The following STPG2 variants were observed in gnomAD, a reference collection of about 807,000 sequenced individuals.
STPG2 encodes sperm-tail PG-rich repeat-containing protein 2.
In STPG2, 56 loss-of-function variants were observed where a neutral mutation model predicts 54.2. The observed-to-expected ratio is 1.03, with a 90% CI of 0.83 to 1.29. The LOEUF (loss-of-function observed/expected upper bound fraction) is 1.29, where lower values mean the gene tolerates loss of function less well. STPG2 is among the 50% of genes most tolerant of loss of function. The pLI is 0.00. For synonymous variants in STPG2, 200 were observed against 181.8 expected, an observed-to-expected ratio of 1.10 and a Z score of -0.81; for missense variants, 596 against 544.9, an observed-to-expected ratio of 1.09 and a Z score of -0.93.
intron 8 of STPG2, chr4:97,916,394 TCA>T (rs1268992080): frequency 1.3e-5 from 2 of 152,640 alleles, no homozygotes; most frequent in African/African-American, 2.4e-5. Flanking sequence ...TTCCCCTGTA[TCA>T]CATGAAGGAA....
At chr4:97,955,819 G>A (rs1217851639) in intron 7 of STPG2, among the ~76,000 whole-genome samples, 2 of 152,034 alleles carry the variant, frequency 1.3e-5, no homozygotes, top group African/African-American at 2.4e-5. Flanking sequence ...AAGATGGAAA[G>A]TCTAAAAAAA....
intron 10 of STPG2, among the ~76,000 whole-genome samples, chr4:97,618,902 G>A (rs1173810878): frequency 6.6e-6 from 1 of 152,158 alleles, no homozygotes; most frequent in Non-Finnish European, 1.5e-5. Flanking sequence ...TATAAGTGGG[G>A]TGTAAATTTC....
At chr4:98,050,691 G>GA (rs1737290389) in intron 5 of STPG2, among the ~76,000 whole-genome samples, 2 of 152,134 alleles carry the variant, frequency 1.3e-5, no homozygotes. Flanking sequence ...TAATAAAAGA[G>GA]AAAAATCATA....
chr4:97,445,312 A>T (rs1169136110), intron 4 of STPG2, among the ~76,000 whole-genome samples: 1 of 152,178 alleles, frequency 6.6e-6, no homozygotes, highest in African/African-American at 2.4e-5. Context: ...ATTATTGTAC[A>T]CATTGTTTTT....
chr4:97,524,272 T>C (rs1337194648), intron 4 of STPG2, among the ~76,000 whole-genome samples: 1 of 152,018 alleles, frequency 6.6e-6, no homozygotes, highest in East Asian at 1.9e-4. Flanking sequence ...ATAGTAAAAT[T>C]ATTTCAATAA....
chr4:97,490,935 A>G (rs1309104062), intron 4 of STPG2, among the ~76,000 whole-genome samples: 4 of 151,666 alleles, frequency 2.6e-5, no homozygotes, highest in African/African-American at 9.7e-5. Context: ...AGCATAAGGA[A>G]TTTAGTTAAT....
intron 4 of STPG2, among the ~76,000 whole-genome samples, chr4:97,526,146 G>A (rs1347489122): frequency 6.6e-6 from 1 of 151,928 alleles, no homozygotes; most frequent in East Asian, 1.9e-4. Flanking sequence ...TTATTAATTT[G>A]CAGGGTCCTT....
chr4:97,685,044 A>C (rs1255116386), intron 10 of STPG2, among the ~76,000 whole-genome samples: 3 of 152,060 alleles, frequency 2.0e-5, no homozygotes, highest in Non-Finnish European at 2.9e-5. Context: ...ACCTATCAGA[A>C]TGGCCAAAAT....
At chr4:97,720,570 C>A (rs1724417866) in intron 9 of STPG2, among the ~76,000 whole-genome samples, 1 of 151,900 alleles carries the variant, frequency 6.6e-6, no homozygotes, top group Admixed American at 6.6e-5. Context: ...CACAGCATGA[C>A]AATTCTCTAA....
chr4:97,714,750 C>T (rs1209187937), intron 9 of STPG2, among the ~76,000 whole-genome samples: 1 of 151,862 alleles, frequency 6.6e-6, no homozygotes, highest in Non-Finnish European at 1.5e-5. Context: ...TAAAAAAACA[C>T]AAACTATCAC....
chr4:97,771,064 A>G (rs1560521082), intron 9 of STPG2, among the ~76,000 whole-genome samples: 1 of 152,174 alleles, frequency 6.6e-6, no homozygotes, highest in African/African-American at 2.4e-5. Flanking sequence ...TCAGCTTAAG[A>G]TTTGGTTTTG....
intron 10 of STPG2, among the ~76,000 whole-genome samples, chr4:97,615,658 G>A (rs577531735): frequency 1.3e-5 from 2 of 151,804 alleles, no homozygotes; most frequent in Admixed American, 6.6e-5. Flanking sequence ...TATTTTTACC[G>A]ATATATCAAT....
chr4:97,590,220 G>T (rs898858728), intron 10 of STPG2, among the ~76,000 whole-genome samples: 4 of 152,094 alleles, frequency 2.6e-5, no homozygotes, highest in Non-Finnish European at 5.9e-5. Flanking sequence ...TGGAGGGCAG[G>T]TCTATGCAAC....
At chr4:97,912,196 C>T (rs575680841) in intron 8 of STPG2, among the ~76,000 whole-genome samples, 60 of 152,064 alleles carry the variant, frequency 3.9e-4, no homozygotes, top group African/African-American at 1.4e-3. Context: ...GGTAGATAAG[C>T]CCACAAAGAT....
intron 9 of STPG2, among the ~76,000 whole-genome samples, chr4:97,785,325 T>C (rs1661183239): frequency 1.3e-5 from 2 of 152,006 alleles, no homozygotes; most frequent in Non-Finnish European, 2.9e-5. Flanking sequence ...TATAAAGATG[T>C]ACTAAGTCAA....
intron 9 of STPG2, among the ~76,000 whole-genome samples, chr4:97,743,490 C>T (rs1377093070): frequency 6.6e-6 from 1 of 151,654 alleles, no homozygotes; most frequent in Non-Finnish European, 1.5e-5. Context: ...AAGATGTAAT[C>T]ATTTTGGTCC....
intron 7 of STPG2, among the ~76,000 whole-genome samples, chr4:97,960,779 C>T (rs1307434366): frequency 6.6e-6 from 1 of 151,936 alleles, no homozygotes; most frequent in African/African-American, 2.4e-5. Context: ...TTGCCAAAAG[C>T]AATCTATAAA....
chr4:97,536,333 T>C (rs1028211971), intron 4 of STPG2, among the ~76,000 whole-genome samples: 5 of 152,098 alleles, frequency 3.3e-5, no homozygotes, highest in African/African-American at 9.7e-5. Flanking sequence ...GACTGGACCA[T>C]TGGGGCAGTT....
chr4:97,893,719 T>G (rs190934168), intron 8 of STPG2, among the ~76,000 whole-genome samples: 1 of 152,170 alleles, frequency 6.6e-6, no homozygotes, highest in East Asian at 1.9e-4. Context: ...TTACCTTTCA[T>G]CGGCCAAAAC....
Sources: allele counts gnomAD v4.1 joint callset (sites outside exome capture counted in the v4.1 genomes callset), GRCh38; gene constraint gnomAD v4.1.1; transcripts MANE v1.5; gene names NCBI Gene and HGNC (gene_info 2026-07-23, HGNC 2026-07-21).